The following RABGAP1L variants were observed in gnomAD, a reference collection of about 807,000 sequenced individuals.
RABGAP1L encodes the protein RAB GTPase activating protein 1 like, also known as rab GTPase-activating protein 1-like.
A neutral mutation model predicts 137.7 loss-of-function variants in RABGAP1L; 63 were observed. The observed-to-expected ratio is 0.46, with a 90% confidence interval of 0.37 to 0.56. RABGAP1L has a LOEUF of 0.56. Among genes scored for constraint, RABGAP1L ranks in the 20% least tolerant of loss-of-function variants. The pLI is 0.00. For missense variants in RABGAP1L, 1,095 were observed against 1,244.0 expected, an observed-to-expected ratio of 0.88 and a Z score of 1.80; for synonymous variants, 431 against 433.7, an observed-to-expected ratio of 0.99 and a Z score of 0.08.
intron 18 of RABGAP1L, among the ~76,000 whole-genome samples, chr1:174,768,990 T>C (rs985840556): frequency 6.6e-6 from 1 of 152,172 alleles, no homozygotes; most frequent in Non-Finnish European, 1.5e-5. Context: ...GTTTTTTTTT[T>C]CCTTAGAACT....
At chr1:174,163,968 C>A (rs1310567289) in intron 1 of RABGAP1L, among the ~76,000 whole-genome samples, 1 of 152,096 alleles carries the variant, frequency 6.6e-6, no homozygotes, top group Admixed American at 6.5e-5. Flanking sequence ...TGGGAAACAT[C>A]AGGCATGGAA....
In RABGAP1L at chr1:174,678,946, G is replaced by A. The variant is rs549210111; in HGVS notation, c.1825-4576G>A. Among the ~76,000 whole-genome samples, 6 of 152,340 alleles carry A rather than the reference G, an allele frequency of 3.9e-5. No homozygotes were observed. In the East Asian group the frequency reaches 1.2e-3, roughly 29 times the overall value. On this transcript the variant is annotated intron_variant, in intron 14 of 25. Coordinates refer to ENST00000681986, the MANE Select transcript of RABGAP1L (RefSeq NM_001366446.1). Reference sequence around the variant, plus strand: ...TGTGCGACAGTGGCAAACAGCAGTGGTGGATGGCAAGCGAAAGCTCAGCTT... The same window carrying A: ...TGTGCGACAGTGGCAAACAGCAGTGATGGATGGCAAGCGAAAGCTCAGCTT...
intron 19 of RABGAP1L, among the ~76,000 whole-genome samples, chr1:174,935,852 A>G (rs1442128727): frequency 6.6e-6 from 1 of 152,010 alleles, no homozygotes; most frequent in Non-Finnish European, 1.5e-5. Context: ...GTGGTGGCAC[A>G]TGCCTGTAAT....
At chr1:174,496,048 A>AT (rs895924992) in intron 13 of RABGAP1L, among the ~76,000 whole-genome samples, 15 of 151,722 alleles carry the variant, frequency 9.9e-5, no homozygotes, top group African/African-American at 3.4e-4. Context: ...TTGAGTTTAA[A>AT]TTTTTTTTTC....
intron 13 of RABGAP1L, among the ~76,000 whole-genome samples, chr1:174,599,308 CTG>C (rs1670239472): frequency 6.6e-6 from 1 of 152,156 alleles, no homozygotes; most frequent in African/African-American, 2.4e-5. Context: ...TCTTAAAACA[CTG>C]TTGTAGTTAT....
intron 15 of RABGAP1L, among the ~76,000 whole-genome samples, chr1:174,697,164 A>G (rs1679318837): frequency 6.6e-6 from 1 of 152,246 alleles, no homozygotes; most frequent in Non-Finnish European, 1.5e-5. Flanking sequence ...GAATGCCAAA[A>G]GGCACATAAA....
At chr1:174,905,318 G>C (rs996059529) in intron 19 of RABGAP1L, among the ~76,000 whole-genome samples, 1 of 152,124 alleles carries the variant, frequency 6.6e-6, no homozygotes, top group African/African-American at 2.4e-5. Flanking sequence ...TAAGATCTGT[G>C]ACCTAGCATT....
At chr1:174,806,854 C>T (rs1689352582) in intron 18 of RABGAP1L, among the ~76,000 whole-genome samples, 1 of 152,164 alleles carries the variant, frequency 6.6e-6, no homozygotes, top group Non-Finnish European at 1.5e-5. Flanking sequence ...GGTGCAATAT[C>T]AGCTCACTGC....
intron 7 of RABGAP1L, among the ~76,000 whole-genome samples, chr1:174,271,044 C>T (rs1674518327): frequency 6.6e-6 from 1 of 152,000 alleles, no homozygotes; most frequent in Admixed American, 6.5e-5. Context: ...TTTGTGTAGA[C>T]AGTGTTTATT....
At chr1:174,240,587 T>G (rs1346843583) in intron 4 of RABGAP1L, among the ~76,000 whole-genome samples, 1 of 151,654 alleles carries the variant, frequency 6.6e-6, no homozygotes, top group Non-Finnish European at 1.5e-5. Context: ...GATAATTATT[T>G]GCTTCCAAAT....
At chr1:174,885,604 C>G (rs180696782) in intron 19 of RABGAP1L, among the ~76,000 whole-genome samples, 1 of 152,034 alleles carries the variant, frequency 6.6e-6, no homozygotes, top group East Asian at 1.9e-4. Context: ...GATCCTCCCC[C>G]CTCGGCCTCC....
chr1:174,745,031 G>A (rs1558039306), intron 17 of RABGAP1L, among the ~76,000 whole-genome samples: 1 of 152,122 alleles, frequency 6.6e-6, no homozygotes, highest in African/African-American at 2.4e-5. Context: ...ACAATCTCAT[G>A]AGTCAGAAAT....
Position 174,890,665 on chromosome 1 carries a change from C to T in RABGAP1L, c.2341-66792C>T, listed in dbSNP as rs1655978086. Among the ~76,000 whole-genome samples, 7 of 151,832 alleles carry T rather than the reference C, an allele frequency of 4.6e-5. 1 individual carries two copies. Among genetic ancestry groups the T allele is most frequent in the Admixed American group, 3.9e-4 (6 of 15,232 alleles). ...TTTTAGTAGTTTTTTTTAGAAGTAT[C>T]CTTCTATAAATATTTTTATACATGC... On this transcript the variant is annotated intron_variant, in intron 19 of 25. Coordinates refer to ENST00000681986, the MANE Select transcript of RABGAP1L (RefSeq NM_001366446.1).
At chr1:174,919,297 C>T (rs1036343056) in intron 19 of RABGAP1L, among the ~76,000 whole-genome samples, 4 of 152,108 alleles carry the variant, frequency 2.6e-5, no homozygotes, top group South Asian at 2.1e-4. Context: ...GGATTACAGG[C>T]GTGAGCCACT....
chr1:174,964,346 C>G (rs1669429146), intron 20 of RABGAP1L, among the ~76,000 whole-genome samples: 1 of 152,166 alleles, frequency 6.6e-6, no homozygotes, highest in Non-Finnish European at 1.5e-5. Context: ...AAAGCCGCCT[C>G]CCTCCTCGTC....
intron 1 of RABGAP1L, among the ~76,000 whole-genome samples, chr1:174,175,364 A>G (rs976003605): frequency 5.9e-5 from 9 of 152,178 alleles, no homozygotes; most frequent in South Asian, 2.1e-4. Context: ...CTTTCTTGAG[A>G]CTGTGGTCTC....
intron 18 of RABGAP1L, among the ~76,000 whole-genome samples, chr1:174,765,596 C>G (rs913912755): frequency 6.6e-6 from 1 of 151,432 alleles, no homozygotes; most frequent in African/African-American, 2.4e-5. Context: ...CCATGTCCAG[C>G]AAATTTTTTT....
At chr1:174,307,768 G>A (rs1458368371) in intron 11 of RABGAP1L, among the ~76,000 whole-genome samples, 1 of 152,128 alleles carries the variant, frequency 6.6e-6, no homozygotes, top group Non-Finnish European at 1.5e-5. Context: ...GAATAATGCT[G>A]CAGTACACAT....
intron 13 of RABGAP1L, among the ~76,000 whole-genome samples, chr1:174,496,089 G>GT (rs1270951111): frequency 6.6e-6 from 1 of 151,928 alleles, no homozygotes; most frequent in Non-Finnish European, 1.5e-5. Flanking sequence ...AAAGTTTAGG[G>GT]TTTTTTCCTG....
Sources: gnomAD v4.1 joint callset for allele counts (sites outside exome capture counted in the v4.1 genomes callset) on GRCh38, gnomAD v4.1.1 for gene constraint, MANE v1.5 for transcripts, NCBI Gene and HGNC (gene_info 2026-07-23, HGNC 2026-07-21) for gene names.